Variants in ESRRG observed in about 807,000 individuals in gnomAD.
The protein encoded by ESRRG is estrogen-related receptor gamma.
In ESRRG, 13 loss-of-function variants were observed where a neutral mutation model predicts 44.0. The ratio of observed to expected loss-of-function variants is 0.30; its 90% confidence interval spans 0.19 to 0.47. ESRRG has a LOEUF of 0.47. Ranked by LOEUF, ESRRG falls within the 20% of genes least tolerant of loss-of-function variation. ESRRG has a pLI of 1.00. For missense variants in ESRRG, 395 were observed against 580.6 expected (o/e 0.68, Z 3.29); for synonymous variants, 215 against 214.6 (o/e 1.00, Z -0.02).
chr1:216,859,177 A>G (rs2096006608), intron 2 of ESRRG, among the ~76,000 whole-genome samples: 1 of 152,210 alleles, frequency 6.6e-6, no homozygotes, highest in African/African-American at 2.4e-5. Flanking sequence ...CTAAAATAAT[A>G]AAAACACAAA....
At chr1:216,859,096 G>A (rs2096005334) in intron 2 of ESRRG, among the ~76,000 whole-genome samples, 1 of 152,124 alleles carries the variant, frequency 6.6e-6, no homozygotes, top group African/African-American at 2.4e-5. Flanking sequence ...TGTAAAATAA[G>A]CATAAAATAG....
At chr1:216,628,676 C>T (rs2063594833) in intron 3 of ESRRG, among the ~76,000 whole-genome samples, 1 of 152,168 alleles carries the variant, frequency 6.6e-6, no homozygotes, top group South Asian at 2.1e-4. Context: ...ACCATTGGCT[C>T]ATTCATTCAT....
At chr1:216,937,450 T>C (rs2064329758) in intron 2 of ESRRG, among the ~76,000 whole-genome samples, 1 of 152,202 alleles carries the variant, frequency 6.6e-6, no homozygotes, top group Admixed American at 6.5e-5. Context: ...CAGAAAGGTT[T>C]GAATTAGTTA....
At chr1:216,820,954 G>T (rs2095272712) in intron 2 of ESRRG, among the ~76,000 whole-genome samples, 1 of 152,078 alleles carries the variant, frequency 6.6e-6, no homozygotes, top group South Asian at 2.1e-4. Context: ...TGCCTTTGTG[G>T]ACTGATCATA....
chr1:216,796,747 C>T (rs1354808664), intron 2 of ESRRG, among the ~76,000 whole-genome samples: 6 of 152,056 alleles, frequency 3.9e-5, no homozygotes, highest in African/African-American at 1.4e-4. Flanking sequence ...TTACCACCAG[C>T]CCTCTCCACA....
chr1:216,976,654 A>G (rs2072980657), intron 1 of ESRRG, among the ~76,000 whole-genome samples: 2 of 152,172 alleles, frequency 1.3e-5, no homozygotes. Context: ...AAGAGAAGCA[A>G]CAGCAGCAAT....
At chr1:216,991,611 T>G (rs2075709981) in intron 1 of ESRRG, among the ~76,000 whole-genome samples, 1 of 77,016 alleles carries the variant, frequency 1.3e-5, no homozygotes, top group African/African-American at 4.3e-5. Context: ...TGGGATGGGA[T>G]GGGATAGGAT....
At position 217,044,952 on chromosome 1, in the gene ESRRG, G is replaced by A. The variant is rs1300262607; in HGVS notation, c.-106+44555C>T. 5.3e-5 allele frequency among the ~76,000 whole-genome samples: 8 copies of A among 152,176 alleles called. No homozygotes were observed. The East Asian group carries it at 7.7e-4, about 15-fold the overall frequency. On this transcript the variant is annotated intron_variant, in intron 1 of 7. Coordinates refer to the ESRRG transcript ENST00000359162. ...ATCTGAGATATTAAAACTAATCACG[G>A]CAGTTTTCCTTTAATGTTATCCTCA...
At chr1:216,624,365 A>G (rs1174184468) in intron 3 of ESRRG, among the ~76,000 whole-genome samples, 1 of 152,196 alleles carries the variant, frequency 6.6e-6, no homozygotes, top group African/African-American at 2.4e-5. Flanking sequence ...CCAGCCCTCT[A>G]AGAAACCTGT....
intron 2 of ESRRG, among the ~76,000 whole-genome samples, chr1:216,888,503 CT>C (rs375030864): frequency 2.6e-5 from 4 of 151,544 alleles, no homozygotes; most frequent in South Asian, 2.1e-4. Flanking sequence ...GTGTTAAAAT[CT>C]TTTTTTTTAA....
At chr1:216,849,502 T>C (rs2095809048) in intron 2 of ESRRG, among the ~76,000 whole-genome samples, 1 of 152,146 alleles carries the variant, frequency 6.6e-6, no homozygotes, top group Non-Finnish European at 1.5e-5. Flanking sequence ...TTTGCTGAAC[T>C]CAGATTCCAC....
intron 1 of ESRRG, among the ~76,000 whole-genome samples, chr1:216,705,702 T>C (rs927738396): frequency 6.6e-6 from 1 of 152,220 alleles, no homozygotes; most frequent in Non-Finnish European, 1.5e-5. Flanking sequence ...CAGCAGGTTC[T>C]TTCAGATCCT....
At chr1:216,962,904 A>G (rs562381372) in intron 1 of ESRRG, among the ~76,000 whole-genome samples, 4 of 152,318 alleles carry the variant, frequency 2.6e-5, no homozygotes, top group East Asian at 1.9e-4. Flanking sequence ...ACCAGGTAGA[A>G]TATCAGTTCC....
At chr1:216,821,302 T>C (rs2095281843) in intron 2 of ESRRG, among the ~76,000 whole-genome samples, 1 of 152,136 alleles carries the variant, frequency 6.6e-6, no homozygotes, top group African/African-American at 2.4e-5. Context: ...ATTTTCTATT[T>C]GCTGGGAAAT....
intron 1 of ESRRG, among the ~76,000 whole-genome samples, chr1:216,998,114 T>C (rs951768538): frequency 1.3e-5 from 2 of 152,190 alleles, no homozygotes; most frequent in African/African-American, 4.8e-5. Context: ...AGGAGCTAAT[T>C]TTAAAATCAC....
intron 2 of ESRRG, among the ~76,000 whole-genome samples, chr1:216,905,933 T>C (rs2149527029): frequency 6.6e-6 from 1 of 152,204 alleles, no homozygotes; most frequent in South Asian, 2.1e-4. Flanking sequence ...GTATATTTAG[T>C]AAATACAGGG....
At chr1:216,701,812 C>T (rs17679272) in intron 1 of ESRRG, among the ~76,000 whole-genome samples, 24,589 of 152,138 alleles carry the variant, frequency 0.16, 2,428 homozygotes, top group South Asian at 0.33. Context: ...AACATGGATG[C>T]TACTATTTGC....
At chr1:216,644,971 G>A (rs1289528667) in intron 3 of ESRRG, among the ~76,000 whole-genome samples, 1 of 152,038 alleles carries the variant, frequency 6.6e-6, no homozygotes, top group African/African-American at 2.4e-5. Flanking sequence ...AGCAATCACA[G>A]CAATCTGTGT....
At chr1:216,982,969 G>A (rs1321833637) in intron 1 of ESRRG, among the ~76,000 whole-genome samples, 7 of 150,696 alleles carry the variant, frequency 4.6e-5, no homozygotes, top group Non-Finnish European at 7.4e-5. Flanking sequence ...ATGGTTTAAA[G>A]CTCTGGTCCG....
Sources: gnomAD v4.1 joint callset for allele counts (sites outside exome capture counted in the v4.1 genomes callset) on GRCh38, gnomAD v4.1.1 for gene constraint, MANE v1.5 for transcripts, NCBI Gene and HGNC (gene_info 2026-07-23, HGNC 2026-07-21) for gene names.